The following RSF1 variants were observed in gnomAD, a reference collection of about 807,000 sequenced individuals.
RSF1 encodes remodeling and spacing factor 1, also known as HBV pX-associated protein 8.
RSF1 carries 13 observed loss-of-function variants against 145.2 expected under a neutral mutation model. That is an observed-to-expected ratio of 0.09 (90% CI 0.06 to 0.14). The LOEUF (loss-of-function observed/expected upper bound fraction) is 0.14, where lower values mean the gene tolerates loss of function less well. Among genes scored for constraint, RSF1 ranks in the 10% least tolerant of loss-of-function variants. RSF1 has a pLI of 1.00. For missense variants in RSF1, 1,517 were observed against 1,718.2 expected (o/e 0.88, Z 2.07); for synonymous variants, 577 against 592.6 (o/e 0.97, Z 0.38).
chr11:77,813,419 G>A lies in RSF1; in HGVS notation c.187+7109C>T, dbSNP rs548356400. The A allele has an allele frequency of 1.9e-5, 23 of 1,220,728 alleles. No homozygotes were observed. In the South Asian group the frequency reaches 1.9e-4, roughly 10 times the overall value. The allele number at this position is 1,220,728 out of a possible 1,614,324, so 75.6% of individuals were successfully genotyped here. ...GAAGGACTGTGCAAGTCAATGAGTC[G>A]CTTGTGGATTCTCATCTGGAAAGGA... On this transcript the variant is annotated intron_variant, in intron 1 of 15. Transcript: ENST00000308488.
At position 77,698,608 on chromosome 11, in the gene RSF1, G is replaced by A; in HGVS notation, c.2594C>T (p.Ser865Phe). ...AGCTGCAGATGATTTTTCACTGCCAGACCCTTCACTTTCATCATTGCTGGA... is the reference window on the plus strand; with the variant it reads ...AGCTGCAGATGATTTTTCACTGCCAAACCCTTCACTTTCATCATTGCTGGA... ...KYSSNDESEG[S>F]GSEKSSAASE... Residue 865 changes from serine (S) to phenylalanine (F), a missense_variant, in exon 7 of 16, where the codon TCT (serine) becomes TTT (phenylalanine). This residue lies in a region of RSF1 where 579 missense variants were observed against 553.5 expected (regional missense o/e 1.05). Transcript: ENST00000308488. 1 of 1,614,038 alleles carries A rather than the reference G, an allele frequency of 6.2e-7. No individual in the cohort carries two copies. Among genetic ancestry groups the A allele is most frequent in the South Asian group, 1.1e-5 (1 of 91,076 alleles).
At chr11:77,678,482 G>A (rs1233111566) in intron 11 of RSF1, among the ~76,000 whole-genome samples, 3 of 151,996 alleles carry the variant, frequency 2.0e-5, no homozygotes, top group Non-Finnish European at 2.9e-5. Context: ...CAAAGTGCTG[G>A]GATTACAGGC....
intron 5 of RSF1, among the ~76,000 whole-genome samples, chr11:77,722,057 G>A (rs370522661): frequency 4.6e-4 from 70 of 152,278 alleles, no homozygotes; most frequent in African/African-American, 1.6e-3. Context: ...GCGCACACCT[G>A]TAGTCCCAGC....
intron 1 of RSF1, among the ~76,000 whole-genome samples, chr11:77,812,419 T>A (rs4945218): frequency 0.18 from 26,897 of 152,130 alleles, 2,959 homozygotes; most frequent in African/African-American, 0.29. Flanking sequence ...GAGTCTAAAA[T>A]TAAATACAGA....
At chr11:77,784,143 G>T (rs1000308249) in intron 1 of RSF1, among the ~76,000 whole-genome samples, 2 of 152,068 alleles carry the variant, frequency 1.3e-5, no homozygotes, top group Admixed American at 6.6e-5. Flanking sequence ...ACTTTATGGA[G>T]GCTGCTTGAT....
intron 15 of RSF1, among the ~76,000 whole-genome samples, chr11:77,670,001 T>C (rs992787382): frequency 1.3e-5 from 2 of 152,224 alleles, no homozygotes; most frequent in Non-Finnish European, 2.9e-5. Flanking sequence ...TGGTGGCTTA[T>C]GCCACTTCTA....
chr11:77,863,278 C>G, the RSF1 span, among the ~76,000 whole-genome samples: 3 of 152,242 alleles, frequency 2.0e-5, no homozygotes, highest in East Asian at 3.9e-4. Flanking sequence ...AATGGGCGCT[C>G]AGGAGCACAG....
At chr11:77,669,774 T>C (rs1959471396) in intron 15 of RSF1, among the ~76,000 whole-genome samples, 1 of 152,182 alleles carries the variant, frequency 6.6e-6, no homozygotes, top group Non-Finnish European at 1.5e-5. Flanking sequence ...ACTCAGCTTT[T>C]TGAGAAAGCA....
chr11:77,698,628 G>A lies in RSF1; in HGVS notation c.2574C>T (p.Ser858=). Residue 858 remains serine (S), a synonymous_variant, in exon 7 of 16, where the codon AGC becomes AGT. Transcript: ENST00000308488. ...SRTRGRWKYS[S]NDESEGSGSE... ...TGCCAGACCCTTCACTTTCATCATT[G>A]CTGGAATATTTCCATCTGCCACGTG... is the stretch of plus-strand genomic sequence containing the variant. The A allele has an allele frequency of 6.2e-7, 1 of 1,613,988 alleles. No homozygotes were observed. The highest frequency in any genetic ancestry group is 1.3e-5 in the African/African-American group (1 of 74,978).
intron 10 of RSF1, 113 bp downstream of exon 10, chr11:77,684,988 GAAAT>G (rs112115163): frequency 2.6e-3 from 1,167 of 455,976 alleles, no homozygotes; most frequent in South Asian, 3.4e-3. Context: ...ACTCCATCTC[GAAAT>G]AAATAAATAA....
At chr11:77,712,221 C>G (rs548116425) in intron 5 of RSF1, among the ~76,000 whole-genome samples, 1 of 152,130 alleles carries the variant, frequency 6.6e-6, no homozygotes, top group Non-Finnish European at 1.5e-5. Flanking sequence ...ATACTGTTCT[C>G]GTGTAGTGAA....
chr11:77,869,108 A>G, the RSF1 span: 1 of 270,576 alleles, frequency 3.7e-6, no homozygotes, highest in Non-Finnish European at 7.2e-6. Flanking sequence ...CACATGTACC[A>G]TGTGGCCAAA....
chr11:77,779,130 G>A (rs1366724790), intron 1 of RSF1, among the ~76,000 whole-genome samples: 1 of 151,828 alleles, frequency 6.6e-6, no homozygotes, highest in East Asian at 1.9e-4. Flanking sequence ...TTTTCGTAGA[G>A]ACACGGTTTC....
chr11:77,691,865 C>A (rs1304882446), intron 8 of RSF1: 1 of 152,272 alleles, frequency 6.6e-6, no homozygotes, highest in Non-Finnish European at 1.5e-5. Flanking sequence ...GTCCATTTCA[C>A]TGAAGAATGC....
chr11:77,783,416 C>G (rs1948423772), intron 1 of RSF1, among the ~76,000 whole-genome samples: 1 of 152,162 alleles, frequency 6.6e-6, no homozygotes, highest in South Asian at 2.1e-4. Context: ...TCTTGTAGTG[C>G]AAGTGGCTAG....
At chr11:77,786,701 C>T (rs7936904) in intron 1 of RSF1, among the ~76,000 whole-genome samples, 26,893 of 151,958 alleles carry the variant, frequency 0.18, 2,972 homozygotes, top group African/African-American at 0.29. Context: ...TGGGCTCACC[C>T]TCCTGCCCAA....
chr11:77,758,729 T>C (rs1244099260), intron 2 of RSF1, among the ~76,000 whole-genome samples: 1 of 152,254 alleles, frequency 6.6e-6, no homozygotes, highest in Admixed American at 6.5e-5. Context: ...TTTTGATCTT[T>C]GTGTATCTTC....
At chr11:77,828,641 G>A in the RSF1 span, among the ~76,000 whole-genome samples, 15 of 148,540 alleles carry the variant, frequency 1.0e-4, no homozygotes, top group African/African-American at 1.0e-4. Flanking sequence ...ACTGCACTGC[G>A]CCTGGGCAAC....
chr11:77,799,150 T>C (rs1167493411), intron 1 of RSF1, among the ~76,000 whole-genome samples: 1 of 151,732 alleles, frequency 6.6e-6, no homozygotes, highest in African/African-American at 2.4e-5. Context: ...ATATCTAGAA[T>C]ATACAAGAAA....
Sources: gnomAD v4.1 joint callset for allele counts (sites outside exome capture counted in the v4.1 genomes callset) on GRCh38, gnomAD v4.1.1 for gene constraint, gnomAD v4.1.1 regional missense constraint, MANE v1.5 for transcripts, NCBI Gene and HGNC (gene_info 2026-07-23, HGNC 2026-07-21) for gene names.